The following PRRG1 variants were observed in gnomAD, a reference collection of about 807,000 sequenced individuals.
The protein encoded by PRRG1 is proline rich and Gla domain 1.
Under a neutral mutation model 11.8 loss-of-function variants are expected in PRRG1, and 5 were observed. That is an observed-to-expected ratio of 0.42 (90% CI 0.22 to 0.89). The LOEUF (loss-of-function observed/expected upper bound fraction) is 0.89, where lower values mean the gene tolerates loss of function less well. Among genes scored for constraint, PRRG1 ranks in the 40% least tolerant of loss-of-function variants. PRRG1 has a pLI of 0.28. For missense variants in PRRG1, 155 were observed against 166.1 expected (o/e 0.93, Z 0.37); for synonymous variants, 66 against 60.4 (o/e 1.09, Z -0.43).
chrX:37,364,876 A>G (rs781803205), intron 1 of PRRG1, among the ~76,000 whole-genome samples: 2 of 112,245 alleles, frequency 1.8e-5, no homozygotes, highest in East Asian at 5.6e-4. Context: ...AAAACCATAT[A>G]TGAATTGTCT....
intron 2 of PRRG1, among the ~76,000 whole-genome samples, chrX:37,419,512 G>A (rs1932599165): frequency 1.8e-5 from 2 of 111,852 alleles, no homozygotes; most frequent in African/African-American, 6.5e-5. Flanking sequence ...CAACTATACA[G>A]CATTGGTTAA....
At chrX:37,397,178 A>G (rs1476090373) in intron 1 of PRRG1, among the ~76,000 whole-genome samples, 4 of 112,793 alleles carry the variant, frequency 3.5e-5, no homozygotes, top group African/African-American at 9.7e-5. Context: ...TATTTTATAT[A>G]CATTAGAAAA....
At chrX:37,349,501 G>A (rs1224021330) in intron 1 of PRRG1, 106 bp downstream of exon 1, 3 of 112,753 alleles carry the variant, frequency 2.7e-5, no homozygotes, top group Non-Finnish European at 5.6e-5. Flanking sequence ...TCTGCGAGGA[G>A]AAACCCGTCA....
intron 1 of PRRG1, among the ~76,000 whole-genome samples, chrX:37,388,255 C>G: frequency 8.9e-6 from 1 of 112,332 alleles, no homozygotes; most frequent in Non-Finnish European, 1.9e-5. Context: ...ATCTACCATT[C>G]TGGGGTCTGG....
intron 1 of PRRG1, among the ~76,000 whole-genome samples, chrX:37,396,281 A>T (rs1258242603): frequency 1.8e-5 from 2 of 112,281 alleles, no homozygotes; most frequent in African/African-American, 6.5e-5. Flanking sequence ...TATACAAGAA[A>T]TGCACACAGA....
At chrX:37,440,459 G>A (rs370004522) in intron 3 of PRRG1, among the ~76,000 whole-genome samples, 2 of 111,631 alleles carry the variant, frequency 1.8e-5, no homozygotes, top group African/African-American at 6.5e-5. Flanking sequence ...GGTTTGAGGC[G>A]GAGATCAAGT....
intron 1 of PRRG1, among the ~76,000 whole-genome samples, chrX:37,404,937 G>A (rs1396087275): frequency 8.9e-5 from 10 of 111,829 alleles, no homozygotes; most frequent in African/African-American, 2.9e-4. Context: ...TTTCCAAAAT[G>A]AGCTCCAAAG....
At chrX:37,369,784 C>T (rs1930703748) in intron 1 of PRRG1, among the ~76,000 whole-genome samples, 1 of 111,337 alleles carries the variant, frequency 9.0e-6, no homozygotes, top group East Asian at 2.8e-4. Flanking sequence ...CCATACTGTT[C>T]TCCTGATAGT....
At chrX:37,364,214 C>CA (rs1556368478) in intron 1 of PRRG1, among the ~76,000 whole-genome samples, 1 of 110,021 alleles carries the variant, frequency 9.1e-6, no homozygotes, top group Non-Finnish European at 1.9e-5. Context: ...AAAGTTTCTG[C>CA]TTTTTTTTGC....
At chrX:37,385,770 T>G (rs1434640329) in intron 1 of PRRG1, among the ~76,000 whole-genome samples, 17 of 109,125 alleles carry the variant, frequency 1.6e-4, no homozygotes, top group African/African-American at 5.7e-4. Context: ...CTTTTTTTTT[T>G]TTGTTTTTCA....
At chrX:37,384,972 A>C (rs1224129158) in intron 1 of PRRG1, among the ~76,000 whole-genome samples, 1 of 111,840 alleles carries the variant, frequency 8.9e-6, no homozygotes, top group Non-Finnish European at 1.9e-5. Flanking sequence ...GCATACACCC[A>C]ACAGAAATAG....
At chrX:37,362,642 C>T (rs1338838381) in intron 1 of PRRG1, among the ~76,000 whole-genome samples, 1 of 111,939 alleles carries the variant, frequency 8.9e-6, no homozygotes. Flanking sequence ...GGCTAGTTTT[C>T]TGCCAGAATC....
At chrX:37,441,490 C>T (rs1932977378) in intron 3 of PRRG1, 1 of 756,050 alleles carries the variant, frequency 1.3e-6, no homozygotes, top group South Asian at 6.7e-5. Context: ...ACAGCTCCCG[C>T]CTGCCTGCTC....
chrX:37,382,347 G>A (rs1931177923), intron 1 of PRRG1, among the ~76,000 whole-genome samples: 1 of 111,135 alleles, frequency 9.0e-6, no homozygotes, highest in Non-Finnish European at 1.9e-5. Flanking sequence ...GTCTCCAGAT[G>A]TCTTGATCTA....
At chrX:37,361,339 CAAA>C (rs1420994688) in intron 1 of PRRG1, among the ~76,000 whole-genome samples, 3 of 66,650 alleles carry the variant, frequency 4.5e-5, no homozygotes, top group African/African-American at 5.4e-5. Flanking sequence ...GAGACTCAGT[CAAA>C]AAAAAAAAAA....
intron 3 of PRRG1, among the ~76,000 whole-genome samples, chrX:37,444,966 T>C (rs1189868222): frequency 1.8e-5 from 2 of 111,422 alleles, no homozygotes; most frequent in Non-Finnish European, 3.8e-5. Flanking sequence ...ATTTCCACCC[T>C]TAACTTCCTC....
chrX:37,393,740 A>G (rs782687531), intron 1 of PRRG1, among the ~76,000 whole-genome samples: 1 of 112,394 alleles, frequency 8.9e-6, no homozygotes, highest in Non-Finnish European at 1.9e-5. Flanking sequence ...TCTAAGCTCT[A>G]TTAGGGCAGG....
chrX:37,401,163 C>T (rs1408303098), intron 1 of PRRG1, among the ~76,000 whole-genome samples: 2 of 110,534 alleles, frequency 1.8e-5, no homozygotes, highest in Non-Finnish European at 3.8e-5. Flanking sequence ...ATACCAAAGC[C>T]GGGCAGAGAC....
Position 37,382,716 on chromosome X carries a change from AG to A in PRRG1, c.-41-23492del, listed in dbSNP as rs1298144109. Among the ~76,000 whole-genome samples the A allele has an allele frequency of 5.5e-4, 48 of 86,957 alleles. 1 individual carries two copies. The highest frequency in any genetic ancestry group is 5.9e-5 in the Non-Finnish European group (3 of 50,922). 75.5% of individuals were successfully genotyped at this position (86,957 alleles called of 115,157 possible). ...CATTAAAATATCTTTTTAATTCAAT[AG>A]ATTTTTGCATGTCTAGTATGTGTCA... On this transcript the variant is annotated intron_variant, in intron 1 of 3. Transcript: ENST00000378628.
Sources: allele counts gnomAD v4.1 joint callset (sites outside exome capture counted in the v4.1 genomes callset), GRCh38; gene constraint gnomAD v4.1.1; transcripts MANE v1.5; gene names NCBI Gene and HGNC (gene_info 2026-07-23, HGNC 2026-07-21).